The following EDA variants were observed in gnomAD, a reference collection of about 807,000 sequenced individuals.
EDA encodes the protein ectodysplasin-A.
Under a neutral mutation model 23.6 loss-of-function variants are expected in EDA, and 2 were observed. The observed-to-expected ratio is 0.08, with a 90% CI of 0.03 to 0.27. The LOEUF is 0.27. Ranked by LOEUF, EDA falls within the 10% of genes least tolerant of loss-of-function variation. EDA has a pLI of 1.00. For synonymous variants in EDA, 131 were observed against 132.0 expected (o/e 0.99, Z 0.05); for missense variants, 229 against 324.2 (o/e 0.71, Z 2.26).
At chrX:69,874,900 A>G (rs747650737) in intron 1 of EDA, among the ~76,000 whole-genome samples, 20 of 112,231 alleles carry the variant, frequency 1.8e-4, no homozygotes, top group Non-Finnish European at 3.0e-4. Context: ...CTGCAAAAAA[A>G]TAAAATACTT....
intron 1 of EDA, among the ~76,000 whole-genome samples, chrX:69,623,296 A>G (rs1413471792): frequency 8.9e-6 from 1 of 112,259 alleles, no homozygotes; most frequent in Non-Finnish European, 1.9e-5. Context: ...TTTCCAATCC[A>G]TGAACATGCC....
chrX:69,624,556 C>T (rs925799838), intron 1 of EDA, among the ~76,000 whole-genome samples: 7 of 111,266 alleles, frequency 6.3e-5, no homozygotes, highest in Admixed American at 9.5e-5. Flanking sequence ...ACTTCTGGCA[C>T]GTGGTTAGAG....
chrX:69,963,483 A>T (rs902064498), intron 2 of EDA, among the ~76,000 whole-genome samples: 1 of 112,238 alleles, frequency 8.9e-6, no homozygotes, highest in Non-Finnish European at 1.9e-5. Context: ...TTGATTTCAC[A>T]TGTAGAATCC....
At chrX:69,894,565 G>T (rs1428084182) in intron 1 of EDA, among the ~76,000 whole-genome samples, 1 of 111,592 alleles carries the variant, frequency 9.0e-6, no homozygotes, top group Admixed American at 9.5e-5. Flanking sequence ...ATTTGTTTAT[G>T]TCATCTCTGA....
chrX:69,673,625 G>C lies in EDA; in HGVS notation c.396+56921G>C, dbSNP rs756292008. On this transcript the variant is annotated intron_variant, in intron 1 of 7. Transcript: ENST00000374552. ...CATTTAGAAGCAAAGTTATTGGTGT[G>C]AGGTGAATATATTCTATAGTCTGAA... 6.3e-5 allele frequency among the ~76,000 whole-genome samples: 7 copies of C among 111,937 alleles called. 1 individual carries two copies. In the South Asian group the frequency reaches 2.6e-3, roughly 42 times the overall value.
chrX:69,736,269 C>A (rs2013253124), intron 1 of EDA, among the ~76,000 whole-genome samples: 1 of 111,073 alleles, frequency 9.0e-6, no homozygotes, highest in Non-Finnish European at 1.9e-5. Flanking sequence ...TGTGCCATTG[C>A]ACTCCGGCCT....
intron 1 of EDA, among the ~76,000 whole-genome samples, chrX:69,771,143 G>A (rs1370105730): frequency 1.9e-5 from 2 of 104,154 alleles, no homozygotes; most frequent in South Asian, 4.3e-4. Flanking sequence ...TGCAACCTCC[G>A]CCTCCCAGGT....
At chrX:69,730,994 C>G (rs1186431106) in intron 1 of EDA, among the ~76,000 whole-genome samples, 1 of 112,114 alleles carries the variant, frequency 8.9e-6, no homozygotes, top group African/African-American at 3.2e-5. Context: ...CCATGTCAAC[C>G]TGAAATTTTA....
intron 1 of EDA, among the ~76,000 whole-genome samples, chrX:69,814,229 A>G (rs1273079015): frequency 2.7e-5 from 3 of 112,756 alleles, no homozygotes; most frequent in Admixed American, 9.3e-5. Context: ...TCTATACCAC[A>G]TATGAATTTC....
chrX:69,948,290 T>C (rs1294360965), intron 1 of EDA, among the ~76,000 whole-genome samples: 2 of 112,405 alleles, frequency 1.8e-5, no homozygotes, highest in Non-Finnish European at 3.8e-5. Flanking sequence ...GGGCAGTGAT[T>C]TTTAAGTCAA....
At chrX:69,737,494 AAC>A (rs1264063468) in intron 1 of EDA, among the ~76,000 whole-genome samples, 1 of 112,156 alleles carries the variant, frequency 8.9e-6, no homozygotes, top group Non-Finnish European at 1.9e-5. Flanking sequence ...ACCACACAAC[AAC>A]ACACTTTGAT....
At chrX:69,963,444 C>T (rs887926706) in intron 2 of EDA, among the ~76,000 whole-genome samples, 1 of 111,806 alleles carries the variant, frequency 8.9e-6, no homozygotes. Flanking sequence ...TTTGAAGGCT[C>T]ACCATGTGTG....
chrX:69,829,349 A>G (rs2016548804), intron 1 of EDA, among the ~76,000 whole-genome samples: 1 of 112,042 alleles, frequency 8.9e-6, no homozygotes. Context: ...CCACCACCTC[A>G]TATCAGGTAT....
chrX:69,982,157 G>T (rs2019417828), intron 2 of EDA, among the ~76,000 whole-genome samples: 1 of 111,634 alleles, frequency 9.0e-6, no homozygotes, highest in African/African-American at 3.3e-5. Flanking sequence ...ACTTACAGTT[G>T]AGAGTGTGCG....
At chrX:69,877,826 G>T (rs1428095580) in intron 1 of EDA, among the ~76,000 whole-genome samples, 1 of 112,090 alleles carries the variant, frequency 8.9e-6, no homozygotes, top group African/African-American at 3.2e-5. Context: ...GATTTATTTT[G>T]GGTTAATTTT....
At chrX:69,931,576 G>A (rs1203856274) in intron 1 of EDA, among the ~76,000 whole-genome samples, 1 of 111,194 alleles carries the variant, frequency 9.0e-6, no homozygotes, top group Non-Finnish European at 1.9e-5. Context: ...CACTAAAGAA[G>A]ATATATGAAA....
At chrX:69,841,751 C>A in intron 1 of EDA, among the ~76,000 whole-genome samples, 1 of 111,954 alleles carries the variant, frequency 8.9e-6, no homozygotes, top group South Asian at 3.7e-4. Context: ...TATAGAATTA[C>A]AGAAATAAAC....
chrX:69,642,208 T>C (rs1024650665), intron 1 of EDA, among the ~76,000 whole-genome samples: 1 of 111,347 alleles, frequency 9.0e-6, no homozygotes, highest in Admixed American at 9.6e-5. Context: ...CTTTAGAGGC[T>C]GAAAGGCCTG....
chrX:69,717,570 A>G (rs1466642606), intron 1 of EDA, among the ~76,000 whole-genome samples: 6 of 99,051 alleles, frequency 6.1e-5, no homozygotes, highest in Admixed American at 3.5e-4. Context: ...CCCAGGCTGG[A>G]GTGCAGTGGC....
Sources: gnomAD v4.1 joint callset for allele counts (sites outside exome capture counted in the v4.1 genomes callset) on GRCh38, gnomAD v4.1.1 for gene constraint, MANE v1.5 for transcripts, NCBI Gene and HGNC (gene_info 2026-07-23, HGNC 2026-07-21) for gene names.